The following DTNB variants were observed in gnomAD, a reference collection of about 807,000 sequenced individuals.
DTNB encodes DTN-B.
A neutral mutation model predicts 90.7 loss-of-function variants in DTNB; 63 were observed. The observed-to-expected ratio is 0.69, with a 90% CI of 0.57 to 0.86. DTNB has a LOEUF of 0.86. Among genes scored for constraint, DTNB ranks in the 40% least tolerant of loss-of-function variants. The probability of loss-of-function intolerance (pLI) is 0.00; values close to 1 mark genes in which losing one functional copy is unlikely to be tolerated. For missense variants in DTNB, 744 were observed against 807.1 expected (o/e 0.92, Z 0.95); for synonymous variants, 277 against 286.7 (o/e 0.97, Z 0.34).
chr2:25,471,666 T>C (rs2062836906), intron 10 of DTNB, among the ~76,000 whole-genome samples: 1 of 152,158 alleles, frequency 6.6e-6, no homozygotes, highest in Non-Finnish European at 1.5e-5. Flanking sequence ...CCTCCCAAAG[T>C]GCTGGGATTA....
At chr2:25,395,207 A>G (rs2042079833) in intron 16 of DTNB, among the ~76,000 whole-genome samples, 1 of 152,154 alleles carries the variant, frequency 6.6e-6, no homozygotes, top group Non-Finnish European at 1.5e-5. Context: ...AGAATGATAT[A>G]TTGGACTTTG....
At chr2:25,562,488 T>C (rs188303567) in intron 8 of DTNB, among the ~76,000 whole-genome samples, 1 of 152,352 alleles carries the variant, frequency 6.6e-6, no homozygotes, top group East Asian at 1.9e-4. Context: ...ATGTTTAACA[T>C]TCTAAGAAAC....
chr2:25,652,691 C>T, intron 1 of DTNB, 30 bp from the exon 2 acceptor site: 1 of 1,596,644 alleles, frequency 6.3e-7, no homozygotes, highest in Non-Finnish European at 8.5e-7. Context: ...CAATAAACCA[C>T]TGTATAATTC....
At chr2:25,476,133 A>G (rs1267074290) in intron 10 of DTNB, among the ~76,000 whole-genome samples, 4 of 150,458 alleles carry the variant, frequency 2.7e-5, no homozygotes, top group Non-Finnish European at 5.9e-5. Context: ...CAATGGCACA[A>G]TCTCGGCTCA....
chr2:25,518,109 T>G (rs2075436522), intron 9 of DTNB, among the ~76,000 whole-genome samples: 2 of 152,210 alleles, frequency 1.3e-5, no homozygotes, highest in Admixed American at 6.5e-5. Context: ...TCTGAAGATC[T>G]GTTTAACAAC....
In DTNB at chr2:25,616,885, T is replaced by C. The variant is rs368535087; in HGVS notation, c.363-9564A>G. On this transcript the variant is annotated intron_variant, in intron 4 of 20. Transcript: ENST00000406818. ...AGGCGGAGCTTGCAGTGAGCCGAGA[T>C]CGCGCCACTGCACTCCAGCCTGGGC... Among the ~76,000 whole-genome samples, 90 of 127,320 alleles carry C rather than the reference T, an allele frequency of 7.1e-4. 1 individual carries two copies. The East Asian group carries it at 0.017, about 25-fold the overall frequency. The allele number at this position is 127,320 out of a possible 152,430, so 83.5% of individuals were successfully genotyped here.
At chr2:25,609,139 C>T in intron 4 of DTNB, among the ~76,000 whole-genome samples, 1 of 152,212 alleles carries the variant, frequency 6.6e-6, no homozygotes, top group East Asian at 1.9e-4. Flanking sequence ...ACTTTCCCAA[C>T]CTACTTACAG....
chr2:25,511,277 T>C (rs909446241), intron 9 of DTNB, among the ~76,000 whole-genome samples: 1 of 152,346 alleles, frequency 6.6e-6, no homozygotes, highest in South Asian at 2.1e-4. Flanking sequence ...GAGAAATGCA[T>C]AGATTATGTC....
chr2:25,526,507 T>C (rs6546237), intron 9 of DTNB, among the ~76,000 whole-genome samples: 41,347 of 150,338 alleles, frequency 0.28, 6,293 homozygotes, highest in East Asian at 0.51. Context: ...GTGAGTCTTC[T>C]GCCTCAGCCT....
At chr2:25,528,999 C>A (rs775808652) in intron 9 of DTNB, among the ~76,000 whole-genome samples, 4 of 151,976 alleles carry the variant, frequency 2.6e-5, no homozygotes, top group Non-Finnish European at 4.4e-5. Flanking sequence ...AATCTCTGAT[C>A]AAAAATCTCA....
At chr2:25,434,031 T>TC (rs746067459) in intron 12 of DTNB, 36 bp from the exon 13 acceptor site, 15 of 1,578,076 alleles carry the variant, frequency 9.5e-6, no homozygotes, top group Non-Finnish European at 1.3e-5. Context: ...TTTTTTTTTT[T>TC]CTGATCCAAA....
rs747325727 is a variant in DTNB at position 25,388,284 on chromosome 2, C to T, written c.1653G>A (p.Thr551=). 2.2e-5 allele frequency: 36 copies of T among 1,612,630 alleles called. No homozygotes were observed. The highest frequency in any genetic ancestry group is 5.0e-5 in the Admixed American group (3 of 59,866). Residue 551 remains threonine, a synonymous_variant, in exon 17 of 21, where the codon ACG becomes ACA. Coordinates refer to ENST00000406818, the MANE Select transcript of DTNB (RefSeq NM_021907.5). ...AGTGGGTGGGGGTGGAGCCGGCAGACGTGGAGCGCACTGGCATGGGCATTG... is the reference window on the plus strand; with the variant it reads ...AGTGGGTGGGGGTGGAGCCGGCAGATGTGGAGCGCACTGGCATGGGCATTG... ...GRPMPMPVRS[T]SAGSTPTHCP...
chr2:25,556,990 ATGTGTTATAAGTCATCTT>A (rs2057466789), intron 8 of DTNB, among the ~76,000 whole-genome samples: 1 of 152,210 alleles, frequency 6.6e-6, no homozygotes, highest in Admixed American at 6.5e-5. Flanking sequence ...AAAAACTTTC[ATGTGTTATAAGTCATCTT>A]TGTATTAGAA....
At chr2:25,596,296 A>C in intron 5 of DTNB, 56 bp from the exon 6 acceptor site, 8 of 1,526,260 alleles carry the variant, frequency 5.2e-6, no homozygotes, top group Non-Finnish European at 7.0e-6. Flanking sequence ...GCTTTTTATA[A>C]ATGGCTCTAT....
At chr2:25,633,084 T>G (rs983663908) in intron 3 of DTNB, among the ~76,000 whole-genome samples, 5 of 152,208 alleles carry the variant, frequency 3.3e-5, no homozygotes, top group Non-Finnish European at 7.3e-5. Flanking sequence ...CGAGAACAAT[T>G]GCTAGAAATA....
At chr2:25,594,295 CCAT>C (rs1238132058) in intron 6 of DTNB, among the ~76,000 whole-genome samples, 1 of 152,112 alleles carries the variant, frequency 6.6e-6, no homozygotes, top group African/African-American at 2.4e-5. Flanking sequence ...ATGCTGATTG[CCAT>C]TTATGCTGAA....
intron 6 of DTNB, among the ~76,000 whole-genome samples, chr2:25,586,902 G>A (rs2062547103): frequency 6.6e-6 from 1 of 152,184 alleles, no homozygotes; most frequent in Non-Finnish European, 1.5e-5. Flanking sequence ...AAACTACACT[G>A]AGATAACATT....
At chr2:25,491,711 A>T (rs781068590) in intron 9 of DTNB, among the ~76,000 whole-genome samples, 3 of 151,196 alleles carry the variant, frequency 2.0e-5, no homozygotes, top group Admixed American at 1.3e-4. Flanking sequence ...TTGGTCTGTT[A>T]TTTTTTTTCT....
intron 4 of DTNB, among the ~76,000 whole-genome samples, chr2:25,608,934 G>A (rs1413110513): frequency 2.6e-5 from 4 of 152,156 alleles, no homozygotes; most frequent in Non-Finnish European, 4.4e-5. Context: ...CACCTAGTGG[G>A]GATGGCAGCA....
Sources: allele counts gnomAD v4.1 joint callset (sites outside exome capture counted in the v4.1 genomes callset), GRCh38; gene constraint gnomAD v4.1.1; transcripts MANE v1.5; gene names NCBI Gene and HGNC (gene_info 2026-07-23, HGNC 2026-07-21).